Variants in MEF2C observed in about 807,000 individuals in gnomAD.
The protein encoded by MEF2C is myocyte-specific enhancer factor 2C.
In MEF2C, 6 loss-of-function variants were observed where a neutral mutation model predicts 50.5. The ratio of observed to expected loss-of-function variants is 0.12; its 90% CI spans 0.07 to 0.23. MEF2C has a LOEUF of 0.23. Ranked by LOEUF, MEF2C falls within the 10% of genes least tolerant of loss-of-function variation. The pLI, the probability that MEF2C is intolerant of heterozygous loss-of-function variation, is 1.00. For synonymous variants in MEF2C, 183 were observed against 228.0 expected (o/e 0.80, Z 1.78); for missense variants, 276 against 605.0 (o/e 0.46, Z 5.70).
chr5:88,871,871 G>A (rs765707917), intron 1 of MEF2C, among the ~76,000 whole-genome samples: 25 of 151,902 alleles, frequency 1.6e-4, no homozygotes, highest in Non-Finnish European at 3.2e-4. Context: ...GATAAGCTGT[G>A]GTCATAATGA....
intron 1 of MEF2C, among the ~76,000 whole-genome samples, chr5:88,893,093 G>A (rs1472650342): frequency 6.6e-6 from 1 of 152,108 alleles, no homozygotes; most frequent in Non-Finnish European, 1.5e-5. Flanking sequence ...TCCCACCTGA[G>A]ATGTTTATGA....
At chr5:88,788,293 C>T (rs1454580685) in intron 3 of MEF2C, among the ~76,000 whole-genome samples, 3 of 152,044 alleles carry the variant, frequency 2.0e-5, no homozygotes, top group Admixed American at 2.0e-4. Context: ...CTCCGCCTCC[C>T]GGGCTCAAGC....
At chr5:88,878,108 T>C (rs1322754941) in intron 1 of MEF2C, 2 of 152,008 alleles carry the variant, frequency 1.3e-5, no homozygotes. Flanking sequence ...AATTAGAAAA[T>C]CTTAAGTGAT....
intron 1 of MEF2C, among the ~76,000 whole-genome samples, chr5:88,829,662 G>A (rs373614632): frequency 1.3e-5 from 2 of 151,808 alleles, no homozygotes; most frequent in East Asian, 1.9e-4. Flanking sequence ...TTAATACTTC[G>A]CCATATTTAC....
chr5:88,729,159 A>G (rs890337536), intron 9 of MEF2C, 59 bp downstream of exon 9: 20 of 1,600,798 alleles, frequency 1.2e-5, no homozygotes, highest in Non-Finnish European at 1.7e-5. Context: ...TAACTTTTTC[A>G]TCTTGATTTT....
In MEF2C at chr5:88,747,333, CTTTTTTTTTTTTTTTTTTTTTTT is replaced by C. The variant is rs950842424; in HGVS notation, c.637+1714_637+1736del. On this transcript the variant is annotated intron_variant, in intron 6 of 10. Transcript: ENST00000504921. ...CTCCACATTTTTTTTTTTTTTACTA[CTTTTTTTTTTTTTTTTTTTTTTT>C]TTTTTTTTTTGAGACGGAGTCTCGC... 2.6e-3 allele frequency among the ~76,000 whole-genome samples: 57 copies of C among 21,750 alleles called. 14 individuals carry two copies. Among genetic ancestry groups the C allele is most frequent in the African/African-American group, 5.7e-3 (52 of 9,052 alleles). 14.3% of individuals were successfully genotyped at this position (21,750 alleles called of 152,430 possible). A position where few individuals can be genotyped will look rare whatever the true frequency, so the allele number is the denominator to read the frequency against.
At chr5:88,783,042 C>T (rs749527546) in intron 3 of MEF2C, among the ~76,000 whole-genome samples, 17 of 152,216 alleles carry the variant, frequency 1.1e-4, no homozygotes, top group African/African-American at 3.4e-4. Flanking sequence ...AGTTTGCCCA[C>T]GTTTTTCATC....
At chr5:88,885,994 AT>A (rs1834010249), upstream of MEF2C, among the ~76,000 whole-genome samples, 5 of 152,336 alleles carry the variant, frequency 3.3e-5, no homozygotes, top group South Asian at 1.0e-3. Flanking sequence ...ATTATTAATG[AT>A]ACTGCAAGCA....
intron 1 of MEF2C, among the ~76,000 whole-genome samples, chr5:88,837,300 C>CT (rs544632280): frequency 1.3e-4 from 20 of 149,802 alleles, no homozygotes; most frequent in Admixed American, 2.0e-4. Flanking sequence ...CAATGGAAAA[C>CT]TTTTTTTTTT....
At chr5:88,838,777 A>T in intron 1 of MEF2C, 1 of 963,272 alleles carries the variant, frequency 1.0e-6, no homozygotes, top group African/African-American at 1.8e-5. Context: ...TTATCTCCTC[A>T]AATTATGGTC....
chr5:88,805,420 T>C (rs1459004872), intron 2 of MEF2C, among the ~76,000 whole-genome samples: 1 of 152,228 alleles, frequency 6.6e-6, no homozygotes, highest in Non-Finnish European at 1.5e-5. Context: ...AGAAACTGTA[T>C]TGTTAATGCC....
rs543978752 is a variant in MEF2C at position 88,803,843 on chromosome 5, C to T, written c.258+755G>A. ...TAAAATGGGAAAAAAAATGTTCCAGCCAAAACTGTATGGTATGTTACTTAT... is the reference window on the plus strand; with the variant it reads ...TAAAATGGGAAAAAAAATGTTCCAGTCAAAACTGTATGGTATGTTACTTAT... On this transcript the variant is annotated intron_variant, in intron 3 of 10. Transcript: ENST00000504921. Among the ~76,000 whole-genome samples the T allele has an allele frequency of 2.0e-5, 3 of 152,116 alleles. No individual in the cohort carries two copies. The South Asian group carries it at 6.2e-4, about 32-fold the overall frequency.
Position 88,823,726 on chromosome 5 carries a change from T to G in MEF2C, c.54+9A>C. On this transcript the variant is annotated intron_variant, in intron 2 of 10. Transcript: ENST00000504921. The stretch of plus-strand genomic sequence containing the variant: ...AAATAATGATACAAAAAAAGTTTAC[T>G]CCACTCACCTGTCTGTTACGTTCAT... The G allele has an allele frequency of 1.1e-5, 17 of 1,595,506 alleles. No homozygotes were observed. Among genetic ancestry groups the G allele is most frequent in the Non-Finnish European group, 1.5e-5 (17 of 1,170,254 alleles).
chr5:88,737,183 A>T (rs1001945841), intron 6 of MEF2C: 13 of 985,284 alleles, frequency 1.3e-5, no homozygotes, highest in African/African-American at 1.7e-5. Flanking sequence ...AAATTGAAAC[A>T]TCAAGGGTCT....
chr5:88,737,412 A>G, intron 6 of MEF2C: 1 of 985,418 alleles, frequency 1.0e-6, no homozygotes, highest in Non-Finnish European at 1.2e-6. Flanking sequence ...TACCTTAGCT[A>G]ACTGCAAGTG....
intron 2 of MEF2C, among the ~76,000 whole-genome samples, chr5:88,808,418 A>T (rs559988800): frequency 1.3e-5 from 2 of 152,258 alleles, no homozygotes; most frequent in East Asian, 3.9e-4. Context: ...ATCAAAGTAC[A>T]TTTCAGTACA....
At chr5:88,803,520 CTT>C (rs912660554) in intron 3 of MEF2C, among the ~76,000 whole-genome samples, 3 of 152,150 alleles carry the variant, frequency 2.0e-5, no homozygotes, top group African/African-American at 7.2e-5. Context: ...CAAACTGGCT[CTT>C]GAGTACATAC....
rs114620012 is a variant in MEF2C, at chr5:88,789,297, G to T, written c.258+15301C>A. ...TTCTCTGACCTCAGTCTCCTGCGTA[G>T]CTAGGAGTACAGGTATGCACCACCA... On this transcript the variant is annotated intron_variant, in intron 3 of 10. Coordinates refer to ENST00000504921, the MANE Select transcript of MEF2C (RefSeq NM_002397.5). Among the ~76,000 whole-genome samples the T allele has an allele frequency of 6.2e-3, 937 of 151,938 alleles. 13 individuals are homozygous for T. Among genetic ancestry groups the T allele is most frequent in the African/African-American group, 0.022 (903 of 41,422 alleles).
intron 1 of MEF2C, among the ~76,000 whole-genome samples, chr5:88,841,080 G>C (rs1323288146): frequency 6.6e-6 from 1 of 152,176 alleles, no homozygotes. Flanking sequence ...GTTACTAATT[G>C]TGGTTCCCAG....
Sources: gnomAD v4.1 joint callset for allele counts (sites outside exome capture counted in the v4.1 genomes callset) on GRCh38, gnomAD v4.1.1 for gene constraint, MANE v1.5 for transcripts, NCBI Gene and HGNC (gene_info 2026-07-23, HGNC 2026-07-21) for gene names.